The following SLC23A1 variants were observed in gnomAD, a reference collection of about 807,000 sequenced individuals.
SLC23A1 encodes Na(+)/L-ascorbic acid transporter 1.
In SLC23A1, 31 loss-of-function variants were observed where a neutral mutation model predicts 62.5. That is an observed-to-expected ratio of 0.50 (90% CI 0.37 to 0.67). SLC23A1 has a LOEUF of 0.67. Ranked by LOEUF, SLC23A1 falls within the 30% of genes least tolerant of loss-of-function variation. The probability of loss-of-function intolerance (pLI) is 0.00; values close to 1 mark genes in which losing one functional copy is unlikely to be tolerated. For missense variants in SLC23A1, 640 were observed against 782.7 expected, an observed-to-expected ratio of 0.82 and a Z score of 2.18; for synonymous variants, 271 against 313.2, an observed-to-expected ratio of 0.87 and a Z score of 1.42.
intron 13 of SLC23A1, among the ~76,000 whole-genome samples, chr5:139,374,333 A>G (rs1757837397): frequency 6.6e-6 from 1 of 152,210 alleles, no homozygotes; most frequent in South Asian, 2.1e-4. Context: ...CGGTAGTCCC[A>G]GCTACTCGGG....
intron 3 of SLC23A1, 39 bp from the exon 4 acceptor site, chr5:139,380,925 C>A: frequency 1.2e-4 from 5 of 41,132 alleles, no homozygotes; most frequent in East Asian, 5.0e-4. Flanking sequence ...TGGGGAGGGG[C>A]GGGTGGGGAG....
chr5:139,375,588 A>G (rs912020082), intron 13 of SLC23A1, among the ~76,000 whole-genome samples: 5 of 152,158 alleles, frequency 3.3e-5, no homozygotes, highest in African/African-American at 1.2e-4. Context: ...TAATCCTAGC[A>G]CTTTGGGAGG....
At chr5:139,372,377 A>G (rs1757716842) in intron 13 of SLC23A1, 124 bp from the exon 14 acceptor site, 2 of 915,306 alleles carry the variant, frequency 2.2e-6, no homozygotes, top group East Asian at 5.0e-5. Context: ...ATTTGGTCCT[A>G]AAACGTGGCT....
chr5:139,377,978 T>C lies in SLC23A1; in HGVS notation c.1450A>G (p.Thr484Ala), dbSNP rs760662018. 6.2e-7 allele frequency: 1 copy of C among 1,613,626 alleles called. No homozygotes were observed. Among genetic ancestry groups the C allele is most frequent in the Admixed American group, 1.7e-5 (1 of 59,916 alleles). Residue 484 changes from threonine (T) to alanine (A), a missense_variant, in exon 12 of 15, where the codon ACA (threonine) becomes GCA (alanine). Thr to Ala is a moderately conservative substitution (Grantham distance 58). Coordinates refer to ENST00000348729, the MANE Select transcript of SLC23A1 (RefSeq NM_005847.5). Reference sequence around the variant, plus strand: ...GACAGTAAACAGCTGGAGGCACCTGTATTGATGGCGCCAGGGTTGGACTCC... The same window carrying C: ...GACAGTAAACAGCTGGAGGCACCTGCATTGATGGCGCCAGGGTTGGACTCC... ...YLESNPGAIN[T>A]GILEVDQILI...
At position 139,373,844 on chromosome 5, in the gene SLC23A1, T is replaced by C. The variant is rs749394204; in HGVS notation, c.1550-1591A>G. Among the ~76,000 whole-genome samples, 20 of 152,302 alleles carry C rather than the reference T, an allele frequency of 1.3e-4. 1 individual carries two copies. The highest frequency in any genetic ancestry group is 2.5e-4 in the Non-Finnish European group (17 of 68,024). Reference sequence around the variant, plus strand: ...GGGCACAGTAGAGTGGGATGAGCCATAGGTGTGGCGTAGGACTATGTTTCT... The same window carrying C: ...GGGCACAGTAGAGTGGGATGAGCCACAGGTGTGGCGTAGGACTATGTTTCT... On this transcript the variant is annotated intron_variant, in intron 13 of 14. Coordinates refer to ENST00000348729, the MANE Select transcript of SLC23A1 (RefSeq NM_005847.5).
At position 139,380,545 on chromosome 5, in the gene SLC23A1, A is replaced by G. The variant is rs374288211; in HGVS notation, c.465+20T>C. On this transcript the variant is annotated intron_variant, in intron 5 of 14. Transcript: ENST00000348729. ...CCCTCCTCAGGACCCGGCCTCTTCT[A>G]TGCTTACATGCAAACCCACCTCCCG... 119 of 1,612,890 alleles carry G rather than the reference A, an allele frequency of 7.4e-5. No homozygotes were observed. Among genetic ancestry groups the G allele is most frequent in the Non-Finnish European group, 9.5e-5 (112 of 1,179,044 alleles).
chr5:139,379,306 A>C lies in SLC23A1; in HGVS notation c.974T>G (p.Phe325Cys), dbSNP rs1409355589. 3.1e-6 allele frequency: 5 copies of C among 1,614,168 alleles called. No homozygotes were observed. Among genetic ancestry groups the C allele is most frequent in the Non-Finnish European group, 4.2e-6 (5 of 1,180,010 alleles). Residue 325 changes from phenylalanine (F) to cysteine (C), a missense_variant, in exon 9 of 15, where the codon TTC becomes TGC. By Grantham distance (205) the Phe-to-Cys change is radical (BLOSUM62 -2). Coordinates refer to ENST00000348729, the MANE Select transcript of SLC23A1 (RefSeq NM_005847.5). This position sits in a 1 kb window ranked among gnomAD's most constrained non-coding sequence, Gnocchi z 4.7. ...AATGATGCCTGCCAGAGTGGCGCTG[A>C]ACATTCCCAGGACAGCAGCCGCAGT... ...TVTAAAVLGM[F>C]SATLAGIIES...
At chr5:139,376,321 C>T (rs1757944533) in intron 13 of SLC23A1, among the ~76,000 whole-genome samples, 2 of 152,044 alleles carry the variant, frequency 1.3e-5, no homozygotes, top group African/African-American at 4.8e-5. Flanking sequence ...AGGCACACAC[C>T]ACCACACCCA....
In SLC23A1 at chr5:139,378,360, G is replaced by A. The variant is rs997379750; in HGVS notation, c.1180-9C>T. On this transcript the variant is annotated splice_polypyrimidine_tract_variant and intron_variant, in intron 10 of 14. Transcript: ENST00000348729. The surrounding 1 kb of genome is among the most constrained non-coding windows in gnomAD (Gnocchi z 4.5). ...ACGCGCCGGCTGCCCACCTGCCGGG[G>A]AGCCAGCGGGGAAGCTAGACCTGGG... 14 of 1,556,134 alleles carry A rather than the reference G, an allele frequency of 9.0e-6. No homozygotes were observed. The African/African-American group carries it at 1.9e-4, about 21-fold the overall frequency.
At chr5:139,381,311 G>A (rs146867919) in intron 3 of SLC23A1, among the ~76,000 whole-genome samples, 46 of 152,362 alleles carry the variant, frequency 3.0e-4, no homozygotes, top group Non-Finnish European at 5.4e-4. Context: ...ACCAACCCTG[G>A]GAGCTAGCTC....
At chr5:139,380,507 A>C (rs781663357) in intron 5 of SLC23A1, 58 bp downstream of exon 5, 1 of 1,591,998 alleles carries the variant, frequency 6.3e-7, no homozygotes, top group Non-Finnish European at 8.6e-7. Flanking sequence ...GGCCACCCTC[A>C]CTCCCATATA....
In SLC23A1 at chr5:139,378,310, C is replaced by T; in HGVS notation, c.1221G>A (p.Met407Ile). The change falls in exon 11 of 15, where the codon ATG (methionine) becomes ATA (isoleucine). Residue 407 changes from methionine to isoleucine, a missense_variant. Transcript: ENST00000348729. The surrounding 1 kb of genome is among the most constrained non-coding windows in gnomAD (Gnocchi z 4.5). ...ACTTGCCGATGGTGCCCAGGACCAGCATGATAGCCGCACCATACTGCACCA... is the reference window on the plus strand; with the variant it reads ...ACTTGCCGATGGTGCCCAGGACCAGTATGATAGCCGCACCATACTGCACCA... ...RRVVQYGAAI[M>I]LVLGTIGKFT... The T allele has an allele frequency of 6.3e-7, 1 of 1,588,240 alleles. No homozygotes were observed. Among genetic ancestry groups the T allele is most frequent in the Admixed American group, 1.8e-5 (1 of 56,104 alleles).
intron 12 of SLC23A1, 38 bp from the exon 13 acceptor site, chr5:139,377,535 C>G: frequency 9.1e-7 from 1 of 1,103,158 alleles, no homozygotes; most frequent in Non-Finnish European, 1.4e-6. Context: ...TGTCATGGCC[C>G]AATCTGGAGA....
At chr5:139,375,791 C>T (rs561692624) in intron 13 of SLC23A1, among the ~76,000 whole-genome samples, 9 of 147,676 alleles carry the variant, frequency 6.1e-5, no homozygotes, top group Admixed American at 2.8e-4. Context: ...GCCGAGATCA[C>T]GCCATTGTGC....
chr5:139,371,135 A>G (rs1366927829), intron 14 of SLC23A1, among the ~76,000 whole-genome samples: 4 of 152,184 alleles, frequency 2.6e-5, no homozygotes, highest in Admixed American at 2.6e-4. Flanking sequence ...GAATCCTGTG[A>G]TCATGGGCAT....
At chr5:139,380,700 C>T (rs1395395558) in intron 4 of SLC23A1, 68 bp from the exon 5 acceptor site, 15 of 1,485,490 alleles carry the variant, frequency 1.0e-5, no homozygotes, top group Non-Finnish European at 1.4e-5. Context: ...AAGATGCTGC[C>T]ATGGCTGCAC....
Position 139,382,700 on chromosome 5 carries a change from GTCAGCAA to G in SLC23A1, c.37-102_37-96del, listed in dbSNP as rs1581382648. ...ATCAATCAGGCAGCCCAAGTGGCTTGTCAGCAACTGAGAGCGGGGTTCCCGCCCTCCC... is the reference window on the plus strand; with the variant it reads ...ATCAATCAGGCAGCCCAAGTGGCTTGCTGAGAGCGGGGTTCCCGCCCTCCC... On this transcript the variant is annotated intron_variant, in intron 1 of 14. Transcript: ENST00000348729. 7.6e-6 allele frequency: 6 copies of G among 788,570 alleles called. No homozygotes were observed. In the East Asian group the frequency reaches 1.6e-4, roughly 21 times the overall value. The allele number at this position is 788,570 out of a possible 1,614,324, so 48.8% of individuals were successfully genotyped here. A position where few individuals can be genotyped will look rare whatever the true frequency, so the allele number is the denominator to read the frequency against.
In SLC23A1 at chr5:139,377,259, T is replaced by C. The variant is rs942669123; in HGVS notation, c.1549+143A>G. 6.7e-5 allele frequency: 43 copies of C among 638,290 alleles called. No individual in the cohort carries two copies. In the African/African-American group the frequency reaches 7.4e-4, roughly 11 times the overall value. 39.5% of individuals were successfully genotyped at this position (638,290 alleles called of 1,614,324 possible). On this transcript the variant is annotated intron_variant, in intron 13 of 14. Transcript: ENST00000348729. The stretch of plus-strand genomic sequence containing the variant: ...TTCTCTCCCTCCAGCCAGTGAGCAC[T>C]CCACCAGCCCATCTATTCCTGATGC...
intron 13 of SLC23A1, among the ~76,000 whole-genome samples, chr5:139,374,161 ATCC>A (rs1353466580): frequency 1.3e-5 from 2 of 152,218 alleles, no homozygotes; most frequent in Non-Finnish European, 2.9e-5. Flanking sequence ...TTTTTGGCAT[ATCC>A]TCCTCAGTGT....
Sources: allele counts gnomAD v4.1 joint callset (sites outside exome capture counted in the v4.1 genomes callset), GRCh38; gene constraint gnomAD v4.1.1; non-coding constraint Gnocchi (gnomAD v3.1); transcripts MANE v1.5; gene names NCBI Gene and HGNC (gene_info 2026-07-23, HGNC 2026-07-21).